OPCML: variants seen among roughly 807,000 people sequenced by gnomAD.
OPCML encodes opioid-binding protein/cell adhesion molecule.
OPCML carries 13 observed loss-of-function variants against 37.8 expected under a neutral mutation model. That is an observed-to-expected ratio of 0.34 (90% confidence interval 0.22 to 0.55). OPCML has a LOEUF of 0.55. Ranked by LOEUF, OPCML falls within the 20% of genes least tolerant of loss-of-function variation. The pLI is 0.91. For synonymous variants in OPCML, 176 were observed against 168.8 expected (o/e 1.04, Z -0.33); for missense variants, 341 against 435.6 (o/e 0.78, Z 1.93).
chr11:132,590,901 A>G (rs897233320), intron 3 of OPCML, among the ~76,000 whole-genome samples: 1 of 152,142 alleles, frequency 6.6e-6, no homozygotes, highest in African/African-American at 2.4e-5. Flanking sequence ...CTTTTTAATA[A>G]ATGTATATTT....
At chr11:133,305,378 G>C (rs1407454171) in intron 1 of OPCML, among the ~76,000 whole-genome samples, 2 of 152,196 alleles carry the variant, frequency 1.3e-5, no homozygotes, top group African/African-American at 2.4e-5. Context: ...TGTGGAAATA[G>C]ACCAAGCCCT....
chr11:132,846,598 AG>A (rs1941552259), intron 2 of OPCML, among the ~76,000 whole-genome samples: 1 of 152,340 alleles, frequency 6.6e-6, no homozygotes, highest in East Asian at 1.9e-4. Flanking sequence ...TAGAAATCTT[AG>A]GATTGAAGCA....
At chr11:133,315,443 TC>T (rs1943182875) in intron 1 of OPCML, among the ~76,000 whole-genome samples, 1 of 152,190 alleles carries the variant, frequency 6.6e-6, no homozygotes, top group South Asian at 2.1e-4. Context: ...AAAATCTCTT[TC>T]TTTCCAAAGT....
chr11:132,732,509 C>A (rs1043176482), intron 2 of OPCML, among the ~76,000 whole-genome samples: 4 of 152,084 alleles, frequency 2.6e-5, no homozygotes, highest in African/African-American at 9.7e-5. Flanking sequence ...GAGTGGTCTT[C>A]ACTGGAGATG....
intron 3 of OPCML, among the ~76,000 whole-genome samples, chr11:132,649,280 T>C (rs1329682726): frequency 6.6e-6 from 1 of 152,156 alleles, no homozygotes; most frequent in Non-Finnish European, 1.5e-5. Flanking sequence ...TTTTTTTTCT[T>C]TTTTTATAAA....
chr11:132,498,051 A>G (rs191013864), intron 4 of OPCML, among the ~76,000 whole-genome samples: 38 of 152,358 alleles, frequency 2.5e-4, no homozygotes, highest in Admixed American at 9.8e-4. Flanking sequence ...TTTAGAAAAC[A>G]TGATGAATTA....
At chr11:133,330,064 G>A (rs1364424198) in intron 1 of OPCML, among the ~76,000 whole-genome samples, 2 of 152,190 alleles carry the variant, frequency 1.3e-5, no homozygotes, top group Non-Finnish European at 2.9e-5. Flanking sequence ...CATTTATGCA[G>A]CCAAAACAAC....
chr11:133,195,183 T>C (rs1461058144), intron 1 of OPCML, among the ~76,000 whole-genome samples: 1 of 152,074 alleles, frequency 6.6e-6, no homozygotes, highest in Non-Finnish European at 1.5e-5. Context: ...TGGGGGAAAA[T>C]GCTAGTAACT....
intron 1 of OPCML, among the ~76,000 whole-genome samples, chr11:133,340,637 TG>T (rs1314551027): frequency 6.7e-6 from 1 of 150,034 alleles, no homozygotes; most frequent in Non-Finnish European, 1.5e-5. Context: ...TGTGTGTGTG[TG>T]TGTGTGTGTG....
intron 2 of OPCML, among the ~76,000 whole-genome samples, chr11:132,699,714 G>A (rs1943734627): frequency 6.6e-6 from 1 of 152,020 alleles, no homozygotes; most frequent in Admixed American, 6.5e-5. Flanking sequence ...GTTATGATGT[G>A]TGACTCTTTT....
intron 1 of OPCML, among the ~76,000 whole-genome samples, chr11:133,154,113 A>G (rs1402748824): frequency 6.6e-6 from 1 of 151,998 alleles, no homozygotes; most frequent in East Asian, 1.9e-4. Context: ...CAGAGGACCC[A>G]CGCTCATCTG....
At chr11:133,207,126 A>AAC (rs1366961523) in intron 1 of OPCML, among the ~76,000 whole-genome samples, 1 of 150,914 alleles carries the variant, frequency 6.6e-6, no homozygotes, top group African/African-American at 2.4e-5. Context: ...TACTAAAAAA[A>AAC]AAAAAAAAAA....
Position 132,963,548 on chromosome 11 carries a change from T to C in OPCML, c.62-20538A>G, listed in dbSNP as rs562133144. Among the ~76,000 whole-genome samples, 8 of 148,800 alleles carry C rather than the reference T, an allele frequency of 5.4e-5. No homozygotes were observed. The South Asian group carries it at 1.7e-3, about 32-fold the overall frequency. On this transcript the variant is annotated intron_variant, in intron 1 of 7. Coordinates refer to ENST00000524381, the MANE Select transcript of OPCML (RefSeq NM_001012393.5). The stretch of plus-strand genomic sequence containing the variant: ...CGGAGGTTGCAGTGAGCCAAGATCG[T>C]GCCACTGCACTCCAGCCTAGTGACA...
chr11:132,678,429 C>A lies in OPCML; in HGVS notation c.147-21110G>T, dbSNP rs7933969. Among the ~76,000 whole-genome samples the A allele has an allele frequency of 6.5e-3, 984 of 152,278 alleles. 15 individuals are homozygous for A. Among genetic ancestry groups the A allele is most frequent in the African/African-American group, 0.022 (922 of 41,556 alleles). ...AAGGAGTTGAAAGTTTATGACCATG[C>A]AAAGACCTGCACACAGATGTTTACC... On this transcript the variant is annotated intron_variant, in intron 2 of 7. Transcript: ENST00000524381.
chr11:132,896,508 C>T (rs1355644006), intron 2 of OPCML, among the ~76,000 whole-genome samples: 1 of 152,228 alleles, frequency 6.6e-6, no homozygotes, highest in African/African-American at 2.4e-5. Context: ...ACCTGGTATG[C>T]ACCTACTAAA....
chr11:132,580,420 A>G (rs2137627639), intron 3 of OPCML, among the ~76,000 whole-genome samples: 1 of 152,374 alleles, frequency 6.6e-6, no homozygotes. Flanking sequence ...TCATGAATTC[A>G]TAGCAGTCAG....
chr11:133,327,152 G>T (rs1433390138), intron 1 of OPCML, among the ~76,000 whole-genome samples: 1 of 146,980 alleles, frequency 6.8e-6, no homozygotes, highest in Non-Finnish European at 1.5e-5. Context: ...GTGTGTATGT[G>T]GGTGTGGGTG....
chr11:133,503,942 G>A (rs1275420737), intron 1 of OPCML, among the ~76,000 whole-genome samples: 1 of 152,160 alleles, frequency 6.6e-6, no homozygotes, highest in Non-Finnish European at 1.5e-5. Flanking sequence ...CAGGGAAGGC[G>A]GGAGGAGGAG....
At chr11:133,164,364 G>T (rs1417720061) in intron 1 of OPCML, among the ~76,000 whole-genome samples, 1 of 152,174 alleles carries the variant, frequency 6.6e-6, no homozygotes, top group African/African-American at 2.4e-5. Flanking sequence ...CCTGGAACTG[G>T]GGCCATCAAC....
Sources: allele counts gnomAD v4.1 joint callset (sites outside exome capture counted in the v4.1 genomes callset), GRCh38; gene constraint gnomAD v4.1.1; transcripts MANE v1.5; gene names NCBI Gene and HGNC (gene_info 2026-07-23, HGNC 2026-07-21).